Variants in CDK6 observed in about 807,000 individuals in gnomAD.
CDK6 encodes cyclin dependent kinase 6.
In CDK6, 6 loss-of-function variants were observed where a neutral mutation model predicts 37.1. The ratio of observed to expected loss-of-function variants is 0.16; its 90% CI spans 0.09 to 0.32. CDK6 has a LOEUF of 0.32. Ranked by LOEUF, CDK6 falls within the 10% of genes least tolerant of loss-of-function variation. The pLI is 1.00. For missense variants in CDK6, 224 were observed against 418.9 expected (o/e 0.53, Z 4.06); for synonymous variants, 160 against 161.3 (o/e 0.99, Z 0.06).
rs146085236 is a variant in CDK6, at chr7:92,803,949, C to T, written c.234-29118G>A. Among the ~76,000 whole-genome samples, 315 of 152,222 alleles carry T rather than the reference C, an allele frequency of 2.1e-3. 1 individual carries two copies. The highest frequency in any genetic ancestry group is 7.0e-3 in the African/African-American group (289 of 41,540). ...GCCTCAACCTATATAAGCCATCTAC[C>T]GTATTCATAGATCTCAATATTACCT... On this transcript the variant is annotated intron_variant, in intron 2 of 7. Transcript: ENST00000424848.
intron 3 of CDK6, among the ~76,000 whole-genome samples, chr7:92,736,914 A>G (rs943363562): frequency 6.6e-6 from 1 of 152,222 alleles, no homozygotes; most frequent in African/African-American, 2.4e-5. Flanking sequence ...GTGATATATT[A>G]ATATTTGTTC....
chr7:92,638,808 T>C (rs1338039907), intron 5 of CDK6, among the ~76,000 whole-genome samples: 3 of 152,236 alleles, frequency 2.0e-5, no homozygotes, highest in Non-Finnish European at 2.9e-5. Context: ...ATGCCAATGA[T>C]ATGCTGAAAA....
chr7:92,820,377 A>G (rs1237847626), intron 2 of CDK6, among the ~76,000 whole-genome samples: 1 of 152,156 alleles, frequency 6.6e-6, no homozygotes, highest in Non-Finnish European at 1.5e-5. Flanking sequence ...CTCTCTATAT[A>G]GTCAGAAGAA....
In CDK6 at chr7:92,611,689, C is replaced by T. The variant is rs1184052477; in HGVS notation, c.*3451G>A. 4.4e-6 allele frequency: 1 copy of T among 229,182 alleles called. No individual in the cohort carries two copies. Among genetic ancestry groups the T allele is most frequent in the Non-Finnish European group, 8.6e-6 (1 of 115,624 alleles). The allele number at this position is 229,182 out of a possible 1,614,324, so 14.2% of individuals were successfully genotyped here. Reference sequence around the variant, plus strand: ...AGATGGATAGTACATTCTGGAGAGTCAAACTATACATTTCTCTATAGAAAA... The same window carrying T: ...AGATGGATAGTACATTCTGGAGAGTTAAACTATACATTTCTCTATAGAAAA... On this transcript the variant is annotated 3_prime_UTR_variant, in exon 8 of 8. Transcript: ENST00000424848.
chr7:92,658,850 G>A (rs959314963), intron 5 of CDK6, among the ~76,000 whole-genome samples: 4 of 152,112 alleles, frequency 2.6e-5, no homozygotes, highest in African/African-American at 9.7e-5. Flanking sequence ...AGTGTCACGT[G>A]GAGTGAAAGA....
At chr7:92,622,117 AC>A (rs1212829270) in intron 6 of CDK6, among the ~76,000 whole-genome samples, 1 of 151,556 alleles carries the variant, frequency 6.6e-6, no homozygotes, top group Non-Finnish European at 1.5e-5. Context: ...TAGAACTCCC[AC>A]TTTTTTCCTA....
At chr7:92,654,725 G>C (rs1236379784) in intron 5 of CDK6, among the ~76,000 whole-genome samples, 2 of 152,160 alleles carry the variant, frequency 1.3e-5, no homozygotes, top group Admixed American at 6.5e-5. Flanking sequence ...AGTGGGAAGA[G>C]CTGGCCATTT....
intron 5 of CDK6, among the ~76,000 whole-genome samples, chr7:92,668,882 T>TA (rs1296576162): frequency 1.3e-5 from 2 of 152,206 alleles, no homozygotes; most frequent in African/African-American, 4.8e-5. Flanking sequence ...CTTTCAGCCT[T>TA]AAAGGCATAT....
At chr7:92,760,942 G>A (rs1799440042) in intron 3 of CDK6, among the ~76,000 whole-genome samples, 1 of 151,858 alleles carries the variant, frequency 6.6e-6, no homozygotes, top group African/African-American at 2.4e-5. Context: ...TATTTGGGAG[G>A]TTGAGCATTT....
At chr7:92,637,960 G>T (rs1006503308) in intron 5 of CDK6, among the ~76,000 whole-genome samples, 1 of 151,982 alleles carries the variant, frequency 6.6e-6, no homozygotes, top group African/African-American at 2.4e-5. Context: ...GCCCTTTAAA[G>T]CTTACAAAGC....
chr7:92,750,267 C>G (rs573023265), intron 3 of CDK6, among the ~76,000 whole-genome samples: 2 of 152,304 alleles, frequency 1.3e-5, no homozygotes, highest in African/African-American at 2.4e-5. Context: ...ACTCACCACC[C>G]TCTTCGGGAC....
At chr7:92,631,058 C>A (rs2116511840) in intron 5 of CDK6, among the ~76,000 whole-genome samples, 2 of 152,272 alleles carry the variant, frequency 1.3e-5, no homozygotes, top group Non-Finnish European at 2.9e-5. Flanking sequence ...TTCTGTCTCA[C>A]AACTCCCAGT....
At chr7:92,640,984 C>T (rs570877799) in intron 5 of CDK6, among the ~76,000 whole-genome samples, 14 of 152,076 alleles carry the variant, frequency 9.2e-5, no homozygotes, top group South Asian at 4.2e-4. Context: ...AAATAAGATC[C>T]AGATATATTT....
rs1052589380 is a variant in CDK6, at chr7:92,833,409, G to C, written c.-86C>G. On this transcript the variant is annotated 5_prime_UTR_variant, in exon 2 of 8. Transcript: ENST00000424848. The surrounding 1 kb of genome is among the most constrained non-coding windows in gnomAD (Gnocchi z 6.1). ...CTGGCGGCCGCCGCTCGCCTACTCC[G>C]GGGCTCCCCGGAGATCGGTCTAGCT... 5 of 915,048 alleles carry C rather than the reference G, an allele frequency of 5.5e-6. No individual in the cohort carries two copies. The highest frequency in any genetic ancestry group is 8.0e-6 in the Non-Finnish European group (5 of 623,460). 56.7% of individuals were successfully genotyped at this position (915,048 alleles called of 1,614,324 possible). A position where few individuals can be genotyped will look rare whatever the true frequency, so the allele number is the denominator to read the frequency against.
rs974396945 is a variant in CDK6, at chr7:92,821,830, T to C, written c.233+11261A>G. Among the ~76,000 whole-genome samples the C allele has an allele frequency of 3.3e-5, 5 of 151,948 alleles. No homozygotes were observed. The South Asian group carries it at 8.3e-4, about 25-fold the overall frequency. On this transcript the variant is annotated intron_variant, in intron 2 of 7. Transcript: ENST00000424848. ...AGCTGTTCTAAGCAGAGGAGGAAGG[T>C]GCTTGGAATGGTAGCCCCAAACAGA...
At chr7:92,788,703 G>C (rs1800205470) in intron 2 of CDK6, among the ~76,000 whole-genome samples, 1 of 152,148 alleles carries the variant, frequency 6.6e-6, no homozygotes, top group Middle Eastern at 3.2e-3. Flanking sequence ...GACAAAGAGA[G>C]AATCTTGAAA....
chr7:92,817,555 A>G (rs193158891), intron 2 of CDK6, among the ~76,000 whole-genome samples: 264 of 152,026 alleles, frequency 1.7e-3, no homozygotes, highest in African/African-American at 6.2e-3. Flanking sequence ...CTTTAGGGCA[A>G]AAGTCTGAAT....
intron 2 of CDK6, among the ~76,000 whole-genome samples, chr7:92,819,557 A>T (rs1801118906): frequency 6.6e-6 from 1 of 152,106 alleles, no homozygotes; most frequent in South Asian, 2.1e-4. Context: ...TTTTGACTTT[A>T]AAAAAGCCAA....
chr7:92,817,038 T>A (rs908372846), intron 2 of CDK6, among the ~76,000 whole-genome samples: 1 of 151,942 alleles, frequency 6.6e-6, no homozygotes, highest in African/African-American at 2.4e-5. Context: ...TAAGAAAATA[T>A]AATTTGTAGT....
Sources: allele counts gnomAD v4.1 joint callset (sites outside exome capture counted in the v4.1 genomes callset), GRCh38; gene constraint gnomAD v4.1.1; non-coding constraint Gnocchi (gnomAD v3.1); transcripts MANE v1.5; gene names NCBI Gene and HGNC (gene_info 2026-07-23, HGNC 2026-07-21).